TRAPPC14: variants seen among roughly 807,000 people sequenced by gnomAD.
The protein encoded by TRAPPC14 is microtubule associated protein 11.
In TRAPPC14, 24 loss-of-function variants were observed where a neutral mutation model predicts 56.6. That is an observed-to-expected ratio of 0.42 (90% CI 0.31 to 0.60). TRAPPC14 has a LOEUF of 0.60. Among genes scored for constraint, TRAPPC14 ranks in the 20% least tolerant of loss-of-function variants. The pLI, the probability that TRAPPC14 is intolerant of heterozygous loss-of-function variation, is 0.14. For missense variants in TRAPPC14, 615 were observed against 790.3 expected (o/e 0.78, Z 2.66); for synonymous variants, 377 against 347.0 (o/e 1.09, Z -0.96).
chr7:100,156,350 C>T (rs1340486686), intron 8 of TRAPPC14, 36 bp downstream of exon 8: 4 of 1,608,680 alleles, frequency 2.5e-6, no homozygotes, highest in East Asian at 4.5e-5. Flanking sequence ...TCTTCCCCTC[C>T]CTGGGGACCA....
Position 100,158,249 on chromosome 7 carries a change from G to A in TRAPPC14, c.251C>T (p.Ser84Leu). 1 of 1,487,932 alleles carries A rather than the reference G, an allele frequency of 6.7e-7. No individual in the cohort carries two copies. The allele number at this position is 1,487,932 out of a possible 1,614,324, so 92.2% of individuals were successfully genotyped here. The stretch of plus-strand genomic sequence containing the variant: ...CGGCATCCCGCCTCCGGCGCTGACC[G>A]AGGCCAGGGCGGCCAGGGCGGTTGC... ...ELATALAALA[S>L]VSAGGGMPGG... Residue 84 changes from serine (S) to leucine (L), a missense_variant, in exon 1 of 11, where the codon TCG (serine) becomes TTG (leucine). Coordinates refer to ENST00000316937, the MANE Select transcript of TRAPPC14 (RefSeq NM_018275.5).
At chr7:100,156,585 GTC>G in intron 7 of TRAPPC14, 36 bp from the exon 8 acceptor site, 1 of 1,612,836 alleles carries the variant, frequency 6.2e-7, no homozygotes, top group Non-Finnish European at 8.5e-7. Flanking sequence ...GGCTGTGTGT[GTC>G]AGGCCACAAA....
intron 9 of TRAPPC14, 81 bp downstream of exon 9, chr7:100,155,590 C>T (rs1334336455): frequency 1.3e-6 from 2 of 1,515,298 alleles, no homozygotes; most frequent in East Asian, 2.3e-5. Context: ...TTATTTCATC[C>T]CCAAAATCTA....
rs1325104210 is a variant in TRAPPC14 at position 100,155,309 on chromosome 7, G to A, written c.1542C>T (p.Arg514=). The A allele has an allele frequency of 2.6e-6, 4 of 1,556,490 alleles. No individual in the cohort carries two copies. In the South Asian group the frequency reaches 4.7e-5, roughly 18 times the overall value. ...LVERHQASLG[R]SQSFSHQQPS... ...GCTGCTGGTGGGAGAAGGACTGGGAGCGGCCCAGGCTAGCCTGATGCCTCT... is the reference window on the plus strand; with the variant it reads ...GCTGCTGGTGGGAGAAGGACTGGGAACGGCCCAGGCTAGCCTGATGCCTCT... Residue 514 remains arginine, a synonymous_variant, in exon 10 of 11, where the codon CGC becomes CGT. Transcript: ENST00000316937.
At position 100,156,866 on chromosome 7, in the gene TRAPPC14, C is replaced by T. The variant is rs1156853452; in HGVS notation, c.972G>A (p.Gln324=). 10 of 1,614,096 alleles carry T rather than the reference C, an allele frequency of 6.2e-6. No homozygotes were observed. Among genetic ancestry groups the T allele is most frequent in the Non-Finnish European group, 7.6e-6 (9 of 1,180,024 alleles). Reference sequence around the variant, plus strand: ...TCACCTCCTTGGCCCCTGGAGGGGGCTGCTCACCCCCTCTCAGCTGAAACA... The same window carrying T: ...TCACCTCCTTGGCCCCTGGAGGGGGTTGCTCACCCCCTCTCAGCTGAAACA... ...NFLFQLRGGE[Q]PPPGAKEGLE... is the part of the protein sequence containing the mutation. The change falls in exon 6 of 11, where the codon CAG becomes CAA. Residue 324 remains glutamine (Q), a synonymous_variant. Coordinates refer to ENST00000316937, the MANE Select transcript of TRAPPC14 (RefSeq NM_018275.5).
chr7:100,158,288 G>C lies in TRAPPC14; in HGVS notation c.212C>G (p.Ala71Gly), dbSNP rs1011981561. ...CAGGGCGGTTGCCAGTTCTGCCCAG[G>C]CTCCTCTGGAGCCCAAGCCCGGGCC... ...GGGPGLGSRGAWAELATALAA... is the reference protein window; with the variant it reads ...GGGPGLGSRGGWAELATALAA... The change falls in exon 1 of 11, where the codon GCC (alanine) becomes GGC (glycine). Residue 71 changes from alanine to glycine, a missense_variant. Physicochemically the swap from Ala to Gly is moderately conservative, Grantham distance 60. Coordinates refer to ENST00000316937, the MANE Select transcript of TRAPPC14 (RefSeq NM_018275.5). 14 of 1,487,190 alleles carry C rather than the reference G, an allele frequency of 9.4e-6. No homozygotes were observed. The highest frequency in any genetic ancestry group is 1.2e-5 in the Non-Finnish European group (14 of 1,124,958). The allele number at this position is 1,487,190 out of a possible 1,614,324, so 92.1% of individuals were successfully genotyped here.
At chr7:100,157,299 A>G (rs994644845) in intron 4 of TRAPPC14, 74 bp downstream of exon 4, 9 of 1,613,196 alleles carry the variant, frequency 5.6e-6, no homozygotes, top group Non-Finnish European at 7.6e-6. Context: ...CTACCCCACC[A>G]GCCTGCCCAG....
rs1259215845 is a variant in TRAPPC14, at chr7:100,158,163, C to A, written c.337G>T (p.Gly113Trp). The A allele has an allele frequency of 8.2e-6, 12 of 1,457,220 alleles. No homozygotes were observed. Among genetic ancestry groups the A allele is most frequent in the Non-Finnish European group, 9.0e-6 (10 of 1,112,892 alleles). The allele number at this position is 1,457,220 out of a possible 1,614,324, so 90.3% of individuals were successfully genotyped here. A position where few individuals can be genotyped will look rare whatever the true frequency, so the allele number is the denominator to read the frequency against. The change falls in exon 1 of 11, where the codon GGG (glycine) becomes TGG (tryptophan). Residue 113 changes from glycine (G) to tryptophan (W), a missense_variant. Transcript: ENST00000316937. The part of the protein sequence containing the change: ...EPPGGGDPGG[G>W]GLFRGCSPLL... ...GGGCTGCAGCCTCGGAACAAACCCC[C>A]ACCCCCAGGATCCCCTCCCCCTGGG...
chr7:100,158,334 C>T lies in TRAPPC14; in HGVS notation c.166G>A (p.Ala56Thr). Reference protein sequence around the residue: ...FLLVLRCRGGAGSGTGGGPGL... With the variant: ...FLLVLRCRGGTGSGTGGGPGL... ...GGGCCGCCCCCGGTGCCGGACCCCG[C>T]ACCGCCCCGGCAGCGCAACACCAGC... The change falls in exon 1 of 11, where the codon GCG becomes ACG. Residue 56 changes from alanine (A) to threonine (T), a missense_variant. Transcript: ENST00000316937. 1 of 1,466,054 alleles carries T rather than the reference C, an allele frequency of 6.8e-7. No individual in the cohort carries two copies. 90.8% of individuals were successfully genotyped at this position (1,466,054 alleles called of 1,614,324 possible).
In TRAPPC14 at chr7:100,156,848, C is replaced by T; in HGVS notation, c.990G>A (p.Lys330=). 6.2e-7 allele frequency: 1 copy of T among 1,614,058 alleles called. No individual in the cohort carries two copies. The highest frequency in any genetic ancestry group is 8.5e-7 in the Non-Finnish European group (1 of 1,179,986). ...RGGEQPPPGA[K]EGLEVPLIAV... ...CACACCAGCCCCTTATGCTCACCTC[C>T]TTGGCCCCTGGAGGGGGCTGCTCAC... Residue 330 remains lysine, a synonymous_variant, in exon 6 of 11, where the codon AAG becomes AAA. Coordinates refer to ENST00000316937, the MANE Select transcript of TRAPPC14 (RefSeq NM_018275.5).
chr7:100,156,352 T>C (rs751572668), intron 8 of TRAPPC14, 34 bp downstream of exon 8: 3 of 1,609,462 alleles, frequency 1.9e-6, no homozygotes, highest in Non-Finnish European at 2.5e-6. Flanking sequence ...TTCCCCTCCC[T>C]GGGGACCAAA....
chr7:100,154,933 G>C lies in TRAPPC14; in HGVS notation c.*78C>G. ...CCCGTCTGGGAGGCATCCCAGGGGA[G>C]GCACAGCCCGGGAGCAGGGATCCCC... On this transcript the variant is annotated 3_prime_UTR_variant, in exon 11 of 11. Transcript: ENST00000316937. 2 of 1,462,344 alleles carry C rather than the reference G, an allele frequency of 1.4e-6. No homozygotes were observed. Among genetic ancestry groups the C allele is most frequent in the Non-Finnish European group, 1.9e-6 (2 of 1,043,390 alleles). The allele number at this position is 1,462,344 out of a possible 1,614,324, so 90.6% of individuals were successfully genotyped here.
chr7:100,155,570 G>T, intron 9 of TRAPPC14, 101 bp downstream of exon 9: 1 of 1,506,954 alleles, frequency 6.6e-7, no homozygotes, highest in Non-Finnish European at 8.9e-7. Flanking sequence ...CCTTCCCTCT[G>T]CCCAGCTTTT....
Position 100,158,668 on chromosome 7 carries a change from C to T in TRAPPC14, c.-169G>A. 1.8e-6 allele frequency: 1 copy of T among 565,334 alleles called. No homozygotes were observed. The highest frequency in any genetic ancestry group is 2.7e-6 in the Non-Finnish European group (1 of 376,868). 35.0% of individuals were successfully genotyped at this position (565,334 alleles called of 1,614,324 possible). On this transcript the variant is annotated 5_prime_UTR_variant, in exon 1 of 11. Transcript: ENST00000316937. ...CCGGGGCAACGAACCCGAACCGAGA[C>T]CCGGCAGCGCCGGAACCGGGGTACT...
At chr7:100,155,590 C>G in intron 9 of TRAPPC14, 81 bp downstream of exon 9, 1 of 1,515,416 alleles carries the variant, frequency 6.6e-7, no homozygotes, top group South Asian at 1.3e-5. Flanking sequence ...TTATTTCATC[C>G]CCAAAATCTA....
At chr7:100,155,885 C>G in intron 8 of TRAPPC14, 60 bp from the exon 9 acceptor site, 1 of 1,602,838 alleles carries the variant, frequency 6.2e-7, no homozygotes, top group Non-Finnish European at 8.5e-7. Flanking sequence ...ACAGGGCCTT[C>G]GCCAGCACAG....
chr7:100,157,405 G>C lies in TRAPPC14; in HGVS notation c.692C>G (p.Thr231Ser). Residue 231 changes from threonine to serine, a missense_variant, in exon 4 of 11, where the codon ACT becomes AGT. Transcript: ENST00000316937. ...CACGGTCAAGTGTTTTCCAGCCACA[G>C]TGAACTGCCGGCATCTCAGAACCGG... ...PPPVLRCRQF[T>S]VAGKHLTVLK... 4 of 1,614,144 alleles carry C rather than the reference G, an allele frequency of 2.5e-6. No individual in the cohort carries two copies. Among genetic ancestry groups the C allele is most frequent in the Non-Finnish European group, 3.4e-6 (4 of 1,180,040 alleles).
At chr7:100,156,290 C>T (rs1028109690) in intron 8 of TRAPPC14, 96 bp downstream of exon 8, 5 of 1,324,142 alleles carry the variant, frequency 3.8e-6, no homozygotes, top group Non-Finnish European at 4.2e-6. Context: ...ATGGGGCTGG[C>T]ACCAAATTTG....
chr7:100,157,481 A>T, intron 3 of TRAPPC14, 22 bp from the exon 4 acceptor site: 1 of 1,609,576 alleles, frequency 6.2e-7, no homozygotes, highest in Non-Finnish European at 8.5e-7. Context: ...GGTGGGGGCA[A>T]GAAGTGATGG....
Sources: gnomAD v4.1 joint callset for allele counts on GRCh38, gnomAD v4.1.1 for gene constraint, MANE v1.5 for transcripts, NCBI Gene and HGNC (gene_info 2026-07-23, HGNC 2026-07-21) for gene names.